The following EYA2 variants were observed in gnomAD, a reference collection of about 807,000 sequenced individuals.
EYA2 encodes EYA transcriptional coactivator and phosphatase 2, also known as protein phosphatase EYA2.
Under a neutral mutation model 69.2 loss-of-function variants are expected in EYA2, and 31 were observed. That is an observed-to-expected ratio of 0.45 (90% confidence interval 0.34 to 0.60). The LOEUF (loss-of-function observed/expected upper bound fraction) is 0.60. Ranked by LOEUF, EYA2 falls within the 20% of genes least tolerant of loss-of-function variation. EYA2 has a pLI of 0.02. For synonymous variants in EYA2, 257 were observed against 279.4 expected (o/e 0.92, Z 0.80); for missense variants, 622 against 701.2 (o/e 0.89, Z 1.28).
At chr20:47,107,338 G>A (rs1202918317) in intron 9 of EYA2, among the ~76,000 whole-genome samples, 4 of 148,994 alleles carry the variant, frequency 2.7e-5, no homozygotes, top group Admixed American at 6.7e-5. Flanking sequence ...CAGCCTGCCC[G>A]TTATGGTGAA....
At position 47,143,143 on chromosome 20, in the gene EYA2, C is replaced by G; in HGVS notation, c.973C>G (p.Leu325Val). The G allele has an allele frequency of 1.9e-6, 3 of 1,611,074 alleles. No homozygotes were observed. The highest frequency in any genetic ancestry group is 2.5e-6 in the Non-Finnish European group (3 of 1,178,640). Residue 325 changes from leucine to valine, a missense_variant, in exon 10 of 16, where the codon CTG (leucine) becomes GTG (valine). Physicochemically the swap from Leu to Val is conservative, Grantham distance 32 (BLOSUM62 1). Coordinates refer to ENST00000327619, the MANE Select transcript of EYA2 (RefSeq NM_005244.5). ...LADTHLFFND[L>V]EDCDQIHVDD... ...AGATACACATCTGTTCTTCAATGAC[C>G]TGGAGGTTTGTGGTTGCTGATTTCA...
chr20:47,072,047 A>G, intron 5 of EYA2, 138 bp from the exon 6 acceptor site: 1 of 767,682 alleles, frequency 1.3e-6, no homozygotes, highest in Non-Finnish European at 2.3e-6. Context: ...GTGAGGCATT[A>G]CCACTAGGAA....
chr20:47,125,267 G>C (rs377428271), intron 9 of EYA2, among the ~76,000 whole-genome samples: 15 of 151,938 alleles, frequency 9.9e-5, no homozygotes, highest in African/African-American at 3.4e-4. Flanking sequence ...GTATTAGCCA[G>C]GATGGTCTTG....
In EYA2 at chr20:47,023,634, T is replaced by TTG. The variant is rs1218746533; in HGVS notation, c.415+7338_415+7339insGT. 5.5e-3 allele frequency among the ~76,000 whole-genome samples: 463 copies of TTG among 84,560 alleles called. 5 individuals carry two copies. Among genetic ancestry groups the TTG allele is most frequent in the African/African-American group, 0.015 (430 of 28,514 alleles). The allele number at this position is 84,560 out of a possible 152,430, so 55.5% of individuals were successfully genotyped here. On this transcript the variant is annotated intron_variant, in intron 5 of 15. Transcript: ENST00000327619. ...TCTCCAGAAGTTTGATTTTGGGTGT[T>TTG]TTTTTTTTTTTTTTTTTTTTGAAGA...
At chr20:47,104,717 T>C (rs1213320361) in intron 9 of EYA2, among the ~76,000 whole-genome samples, 1 of 152,176 alleles carries the variant, frequency 6.6e-6, no homozygotes, top group Non-Finnish European at 1.5e-5. Flanking sequence ...TGTCTCAACA[T>C]CCTGTCAGAA....
chr20:46,993,500 G>T (rs889602961), intron 2 of EYA2, among the ~76,000 whole-genome samples: 4 of 152,220 alleles, frequency 2.6e-5, no homozygotes, highest in African/African-American at 9.7e-5. Context: ...TCTCATCAGA[G>T]AGGTCTTTCC....
At chr20:47,012,839 T>A (rs566053144) in intron 4 of EYA2, among the ~76,000 whole-genome samples, 1 of 152,186 alleles carries the variant, frequency 6.6e-6, no homozygotes, top group Admixed American at 6.5e-5. Flanking sequence ...TCTGGAGAAA[T>A]GGCCTTAGAT....
At chr20:47,021,915 G>C (rs2146380890) in intron 5 of EYA2, among the ~76,000 whole-genome samples, 1 of 152,108 alleles carries the variant, frequency 6.6e-6, no homozygotes, top group Non-Finnish European at 1.5e-5. Flanking sequence ...TAAACTGTGT[G>C]ACCTTGGACA....
At chr20:46,979,604 A>G (rs1477876118) in intron 1 of EYA2, 3 of 151,830 alleles carry the variant, frequency 2.0e-5, no homozygotes, top group Non-Finnish European at 4.4e-5. Flanking sequence ...TCCCCTGCAT[A>G]GAGAATAAGC....
intron 10 of EYA2, among the ~76,000 whole-genome samples, chr20:47,152,532 C>A: frequency 6.6e-6 from 1 of 151,788 alleles, no homozygotes; most frequent in East Asian, 2.0e-4. Context: ...AGGGGTGGGG[C>A]CAGGCATGGT....
At chr20:47,024,260 T>C (rs1983950104) in intron 5 of EYA2, among the ~76,000 whole-genome samples, 1 of 152,226 alleles carries the variant, frequency 6.6e-6, no homozygotes, top group Admixed American at 6.5e-5. Flanking sequence ...TGTTGAATGC[T>C]TTTGAGTCTT....
At chr20:47,114,704 T>G (rs1240962041) in intron 9 of EYA2, among the ~76,000 whole-genome samples, 1 of 152,216 alleles carries the variant, frequency 6.6e-6, no homozygotes, top group Non-Finnish European at 1.5e-5. Flanking sequence ...TCATGTTAAA[T>G]TATAATCCCC....
intron 1 of EYA2, among the ~76,000 whole-genome samples, chr20:46,951,465 G>A (rs2033845748): frequency 6.6e-6 from 1 of 152,118 alleles, no homozygotes; most frequent in African/African-American, 2.4e-5. Context: ...TCTACCCTCT[G>A]CAACTAAACT....
intron 9 of EYA2, among the ~76,000 whole-genome samples, chr20:47,139,555 G>A (rs905135601): frequency 6.6e-6 from 1 of 152,042 alleles, no homozygotes; most frequent in African/African-American, 2.4e-5. Context: ...TCAGCCTCCC[G>A]AATAGCTGGG....
chr20:47,032,706 A>G (rs748190225), intron 5 of EYA2, among the ~76,000 whole-genome samples: 2 of 152,082 alleles, frequency 1.3e-5, no homozygotes, highest in Non-Finnish European at 2.9e-5. Context: ...CCGCCTCTGC[A>G]CTCACTGGCT....
chr20:47,180,699 A>G, intron 13 of EYA2, 116 bp from the exon 14 acceptor site: 1 of 1,299,038 alleles, frequency 7.7e-7, no homozygotes, highest in Non-Finnish European at 1.1e-6. Context: ...CCTGAAGATG[A>G]CAGCCATAGC....
At chr20:47,140,501 T>C (rs1232079678) in intron 9 of EYA2, among the ~76,000 whole-genome samples, 2 of 152,144 alleles carry the variant, frequency 1.3e-5, no homozygotes, top group African/African-American at 2.4e-5. Flanking sequence ...ATAGAAATAA[T>C]ATAGCCTCCA....
intron 7 of EYA2, among the ~76,000 whole-genome samples, chr20:47,086,820 T>G (rs954557780): frequency 2.0e-5 from 3 of 151,742 alleles, no homozygotes; most frequent in Admixed American, 1.3e-4. Context: ...TGTTTTTTTT[T>G]TTGGCACCCC....
At chr20:47,169,506 A>G (rs990767455) in intron 11 of EYA2, among the ~76,000 whole-genome samples, 8 of 152,100 alleles carry the variant, frequency 5.3e-5, no homozygotes, top group Non-Finnish European at 1.2e-4. Flanking sequence ...ATGAGTAAAA[A>G]TTTGTTTAAA....
Sources: allele counts gnomAD v4.1 joint callset (sites outside exome capture counted in the v4.1 genomes callset), GRCh38; gene constraint gnomAD v4.1.1; transcripts MANE v1.5; gene names NCBI Gene and HGNC (gene_info 2026-07-23, HGNC 2026-07-21).